PTPRS: variants seen among roughly 807,000 people sequenced by gnomAD.
The protein encoded by PTPRS is receptor-type tyrosine-protein phosphatase S.
A neutral mutation model predicts 215.3 loss-of-function variants in PTPRS; 63 were observed. The observed-to-expected ratio is 0.29, with a 90% confidence interval of 0.24 to 0.36. The LOEUF (loss-of-function observed/expected upper bound fraction) is 0.36. PTPRS is among the 10% of genes least tolerant of loss of function. The pLI is 1.00. For missense variants in PTPRS, 2,258 were observed against 2,825.8 expected (o/e 0.80, Z 4.56); for synonymous variants, 1,404 against 1,191.4 (o/e 1.18, Z -3.68).
Position 5,215,525 on chromosome 19 carries a change from G to A in PTPRS, c.4167C>T (p.Asp1389=), listed in dbSNP as rs1599395944. The part of the protein sequence containing the change: ...AEHTERLKAN[D]SLKLSQEYES... ...CATACTCCTGGGAGAGCTTGAGGCT[G>A]TCGTTGGCCTTGAGCCGCTCCGTGT... Residue 1389 remains aspartate (D), a synonymous_variant, in exon 27 of 38, where the codon GAC becomes GAT. Coordinates refer to ENST00000262963, the MANE Select transcript of PTPRS (RefSeq NM_002850.4). The A allele has an allele frequency of 1.9e-6, 3 of 1,612,216 alleles. No homozygotes were observed. Among genetic ancestry groups the A allele is most frequent in the Middle Eastern group, 3.3e-4 (2 of 6,036 alleles).
intron 1 of PTPRS, among the ~76,000 whole-genome samples, chr19:5,322,589 G>A (rs940990837): frequency 1.8e-4 from 27 of 152,108 alleles, no homozygotes; most frequent in Non-Finnish European, 8.8e-5. Context: ...CCCGCAGAAA[G>A]ACCTCAGGCG....
intron 2 of PTPRS, among the ~76,000 whole-genome samples, chr19:5,275,068 CTTTTCT>C (rs1416277828): frequency 6.3e-5 from 6 of 94,614 alleles, no homozygotes; most frequent in East Asian, 3.5e-4. Flanking sequence ...TCGTCATTTT[CTTTTCT>C]TTTTTTTTTT....
chr19:5,297,270 C>T (rs1171460203), intron 1 of PTPRS, among the ~76,000 whole-genome samples: 1 of 152,174 alleles, frequency 6.6e-6, no homozygotes, highest in Non-Finnish European at 1.5e-5. Flanking sequence ...AATAACTTTT[C>T]TTCTAATTAT....
chr19:5,221,357 T>C, intron 19 of PTPRS, 104 bp from the exon 20 acceptor site: 1 of 1,443,380 alleles, frequency 6.9e-7, no homozygotes. Flanking sequence ...CTGATCCCAC[T>C]GAATCCTGCC....
At chr19:5,311,296 A>G (rs1029306093) in intron 1 of PTPRS, among the ~76,000 whole-genome samples, 8 of 152,174 alleles carry the variant, frequency 5.3e-5, no homozygotes, top group Non-Finnish European at 1.2e-4. Flanking sequence ...AGGCTGAGCC[A>G]CTGCGCCCGG....
Position 5,229,628 on chromosome 19 carries a change from G to T in PTPRS, c.2212C>A (p.Arg738Ser). 7.2e-7 allele frequency: 1 copy of T among 1,380,122 alleles called. No homozygotes were observed. Among genetic ancestry groups the T allele is most frequent in the Non-Finnish European group, 9.3e-7 (1 of 1,070,652 alleles). 85.5% of individuals were successfully genotyped at this position (1,380,122 alleles called of 1,614,324 possible). A position where few individuals can be genotyped will look rare whatever the true frequency, so the allele number is the denominator to read the frequency against. Reference protein sequence around the residue: ...EAEALNATAIRVLWRSPAPGR... With the variant: ...EAEALNATAISVLWRSPAPGR... ...GGCGCGGGCGAGCGCCACAGCACGC[G>T]GATGGCCGTGGCGTTGAGCGCCTCC... The change falls in exon 15 of 38, where the codon CGC becomes AGC. Residue 738 changes from arginine to serine, a missense_variant. Arg to Ser is a moderately radical substitution (Grantham distance 110). Around this residue, in one of 6 missense-constraint regions of PTPRS, gnomAD observed 371 missense variants for 446.7 expected, o/e 0.83. Transcript: ENST00000262963.
chr19:5,278,297 C>A (rs962055243), intron 2 of PTPRS, among the ~76,000 whole-genome samples: 1 of 151,896 alleles, frequency 6.6e-6, no homozygotes, highest in Non-Finnish European at 1.5e-5. Context: ...TACCTCACTG[C>A]AGCCTCAATC....
At chr19:5,234,703 G>C (rs368588442) in intron 13 of PTPRS, among the ~76,000 whole-genome samples, 1 of 151,828 alleles carries the variant, frequency 6.6e-6, no homozygotes, top group South Asian at 2.1e-4. Context: ...TGTGCTAAGG[G>C]CTGTATCAGA....
Position 5,239,441 on chromosome 19 carries a change from CAG to C in PTPRS, c.1705-380_1705-379del, listed in dbSNP as rs2043816225. ...GAGAAACAAAGGAGAGAGACAGACA[CAG>C]AGACAGAGATAAATGGGAGAGACAG... On this transcript the variant is annotated intron_variant, in intron 12 of 37. Coordinates refer to ENST00000262963, the MANE Select transcript of PTPRS (RefSeq NM_002850.4). Among the ~76,000 whole-genome samples the C allele has an allele frequency of 2.7e-5, 4 of 148,542 alleles. No homozygotes were observed. In the South Asian group the frequency reaches 8.7e-4, roughly 32 times the overall value.
At position 5,229,318 on chromosome 19, in the gene PTPRS, A is replaced by G. The variant is rs181439211; in HGVS notation, c.2374T>C (p.Tyr792His). Residue 792 changes from tyrosine (Y) to histidine (H), a missense_variant and splice_region_variant, in exon 16 of 38, where the codon TAT becomes CAT. This residue lies in a region of PTPRS where 371 missense variants were observed against 446.7 expected (regional missense o/e 0.83). Coordinates refer to ENST00000262963, the MANE Select transcript of PTPRS (RefSeq NM_002850.4). Reference protein sequence around the residue: ...AQWETDDTAEYEMVITNLQPE... With the variant: ...AQWETDDTAEHEMVITNLQPE... ...GGGTGGCCAGGGGCGCTACTTACAT[A>G]TTCGGCCGTGTCATCCGTCTCCCAC... The G allele has an allele frequency of 8.0e-6, 11 of 1,378,840 alleles. No individual in the cohort carries two copies. In the Admixed American group the frequency reaches 3.1e-4, roughly 39 times the overall value. 85.4% of individuals were successfully genotyped at this position (1,378,840 alleles called of 1,614,324 possible).
Position 5,211,968 on chromosome 19 carries a change from G to T in PTPRS, c.5052C>A (p.Phe1684Leu). Residue 1684 changes from phenylalanine to leucine, a missense_variant, in exon 32 of 38, where the codon TTC (phenylalanine) becomes TTA (leucine). Transcript: ENST00000262963. The stretch of plus-strand genomic sequence containing the variant: ...GCAGCCTCCACCCCGCTGGCACCTT[G>T]AACTCGAGTTCCATGCCAGTGACGT... ...GEHVTGMELE[F>L]KRLANSKAHT... is the part of the protein sequence containing the mutation. 2 of 1,597,616 alleles carry T rather than the reference G, an allele frequency of 1.3e-6. No individual in the cohort carries two copies. Among genetic ancestry groups the T allele is most frequent in the Non-Finnish European group, 1.7e-6 (2 of 1,172,506 alleles).
chr19:5,274,836 T>C (rs778534160), intron 2 of PTPRS, among the ~76,000 whole-genome samples: 7 of 152,096 alleles, frequency 4.6e-5, no homozygotes, highest in Non-Finnish European at 8.8e-5. Flanking sequence ...GTGGGGAAAC[T>C]GAGGCACCCA....
chr19:5,212,882 T>C (rs1382968222), intron 30 of PTPRS, among the ~76,000 whole-genome samples: 6 of 150,354 alleles, frequency 4.0e-5, no homozygotes, highest in Non-Finnish European at 8.9e-5. Context: ...CCAGTCACCA[T>C]GTCCCCAAGT....
chr19:5,298,506 G>T (rs1042701636), intron 1 of PTPRS, among the ~76,000 whole-genome samples: 1 of 152,232 alleles, frequency 6.6e-6, no homozygotes, highest in Non-Finnish European at 1.5e-5. Context: ...GAGAGAAACT[G>T]GTTGGGCAGC....
At position 5,219,447 on chromosome 19, in the gene PTPRS, G is replaced by A; in HGVS notation, c.3786C>T (p.Phe1262=). Residue 1262 remains phenylalanine, a synonymous_variant, in exon 23 of 38, where the codon TTC becomes TTT. Transcript: ENST00000262963. ...GGTTATCCAGCTGGAAGGGGTCTGA[G>A]AAGGGACTGGCTGCAAAGGTCTGCA... The part of the protein sequence containing the change: ...KSEPTFAASP[F]SDPFQLDNPD... The A allele has an allele frequency of 6.2e-7, 1 of 1,600,472 alleles. No homozygotes were observed. Among genetic ancestry groups the A allele is most frequent in the Non-Finnish European group, 8.5e-7 (1 of 1,173,436 alleles).
chr19:5,286,376 G>C (rs1341930010), intron 1 of PTPRS, 142 bp from the exon 2 acceptor site: 10 of 545,388 alleles, frequency 1.8e-5, no homozygotes, highest in Non-Finnish European at 3.0e-5. Flanking sequence ...ATCATGGGGT[G>C]ATGGGATGGA....
intron 11 of PTPRS, among the ~76,000 whole-genome samples, chr19:5,242,749 T>A (rs374785583): frequency 6.6e-6 from 1 of 151,882 alleles, no homozygotes; most frequent in South Asian, 2.1e-4. Flanking sequence ...CAGGCTGGAG[T>A]GTAGTGGTGC....
Position 5,339,945 on chromosome 19 carries a change from G to A in PTPRS, c.-95+719C>T, listed in dbSNP as rs972708987. ...GGGGGCTGAGGCTCGCCCCTGGGTG[G>A]GGAGGCTGGAAGGGGGCGCCGAGGC... On this transcript the variant is annotated intron_variant, in intron 1 of 37. Transcript: ENST00000262963. This position sits in a 1 kb window ranked among gnomAD's most constrained non-coding sequence, Gnocchi z 4.2. Among the ~76,000 whole-genome samples, 13 of 151,938 alleles carry A rather than the reference G, an allele frequency of 8.6e-5. No individual in the cohort carries two copies. The highest frequency in any genetic ancestry group is 3.1e-4 in the African/African-American group (13 of 41,424).
chr19:5,214,872 A>G (rs905973075), intron 28 of PTPRS, 136 bp from the exon 29 acceptor site: 7 of 947,500 alleles, frequency 7.4e-6, no homozygotes, highest in Non-Finnish European at 1.1e-5. Context: ...CGTGTACTTC[A>G]CAGTTTCTCC....
Sources: allele counts gnomAD v4.1 joint callset (sites outside exome capture counted in the v4.1 genomes callset), GRCh38; gene constraint gnomAD v4.1.1; regional missense constraint gnomAD v4.1.1; non-coding constraint Gnocchi (gnomAD v3.1); transcripts MANE v1.5; gene names NCBI Gene and HGNC (gene_info 2026-07-23, HGNC 2026-07-21).